The following SEMA5A variants were observed in gnomAD, a reference collection of about 807,000 sequenced individuals.
SEMA5A encodes the protein semaphorin-5A.
A neutral mutation model predicts 135.5 loss-of-function variants in SEMA5A; 55 were observed. The observed-to-expected ratio is 0.41, with a 90% CI of 0.33 to 0.51. The LOEUF (loss-of-function observed/expected upper bound fraction) is 0.51, where lower values mean the gene tolerates loss of function less well. Among genes scored for constraint, SEMA5A ranks in the 20% least tolerant of loss-of-function variants. The pLI, the probability that SEMA5A is intolerant of heterozygous loss-of-function variation, is 0.37. For synonymous variants in SEMA5A, 580 were observed against 546.5 expected, an observed-to-expected ratio of 1.06 and a Z score of -0.85; for missense variants, 1,290 against 1,419.9, an observed-to-expected ratio of 0.91 and a Z score of 1.47.
At chr5:9,485,327 A>T (rs762367522) in intron 1 of SEMA5A, among the ~76,000 whole-genome samples, 21 of 152,134 alleles carry the variant, frequency 1.4e-4, no homozygotes, top group Non-Finnish European at 2.6e-4. Flanking sequence ...AGAAGGTGTC[A>T]TGTGGGTCAG....
chr5:9,389,195 GTATT>G (rs1471460655), intron 2 of SEMA5A, among the ~76,000 whole-genome samples: 1 of 152,054 alleles, frequency 6.6e-6, no homozygotes, highest in Non-Finnish European at 1.5e-5. Flanking sequence ...CAATCTCTCT[GTATT>G]TATTTCACAT....
At chr5:9,069,690 T>TA (rs1737669207) in intron 16 of SEMA5A, among the ~76,000 whole-genome samples, 2 of 152,194 alleles carry the variant, frequency 1.3e-5, no homozygotes, top group Admixed American at 1.3e-4. Context: ...TTTGATTTAA[T>TA]ACTCTCTAGG....
chr5:9,316,286 T>C (rs1752385743), intron 5 of SEMA5A, among the ~76,000 whole-genome samples: 2 of 152,210 alleles, frequency 1.3e-5, no homozygotes, highest in Non-Finnish European at 1.5e-5. Context: ...ATCTGAGTTC[T>C]CCTTGCCCAA....
intron 1 of SEMA5A, among the ~76,000 whole-genome samples, chr5:9,543,862 G>T (rs1330830708): frequency 1.3e-5 from 2 of 149,076 alleles, no homozygotes; most frequent in Non-Finnish European, 3.0e-5. Flanking sequence ...CATAGAAAAA[G>T]AAATCTTTTG....
intron 5 of SEMA5A, among the ~76,000 whole-genome samples, chr5:9,277,536 T>C (rs188193745): frequency 6.6e-6 from 1 of 152,146 alleles, no homozygotes; most frequent in South Asian, 2.1e-4. Flanking sequence ...TGTGGCACTG[T>C]TCACAATAGC....
Position 9,157,013 on chromosome 5 carries a change from T to C in SEMA5A, c.1274-2318A>G, listed in dbSNP as rs528817094. 3.3e-5 allele frequency among the ~76,000 whole-genome samples: 5 copies of C among 152,358 alleles called. No individual in the cohort carries two copies. The South Asian group carries it at 1.0e-3, about 32-fold the overall frequency. On this transcript the variant is annotated intron_variant, in intron 11 of 22. Transcript: ENST00000382496. ...ATCTGATTTTCCAACTAGTGGGAAC[T>C]AACAAAACTACAGGGCTTAGCATTT...
In SEMA5A at chr5:9,164,950, C is replaced by T. The variant is rs115439338; in HGVS notation, c.1274-10255G>A. Among the ~76,000 whole-genome samples the T allele has an allele frequency of 6.8e-3, 1,036 of 152,288 alleles. 10 individuals are homozygous for T. The highest frequency in any genetic ancestry group is 0.031 in the Middle Eastern group (9 of 294). On this transcript the variant is annotated intron_variant, in intron 11 of 22. Transcript: ENST00000382496. Reference sequence around the variant, plus strand: ...GTGAATCCAATATAATATTTACCATCACAACGAGTAAAAACAGTGCACAAT... The same window carrying T: ...GTGAATCCAATATAATATTTACCATTACAACGAGTAAAAACAGTGCACAAT...
chr5:9,469,881 G>C (rs34101225), intron 1 of SEMA5A, among the ~76,000 whole-genome samples: 42,814 of 152,126 alleles, frequency 0.28, 6,493 homozygotes, highest in East Asian at 0.52. Flanking sequence ...TGTTTAAGAG[G>C]GCAAGCTCTG....
At chr5:9,352,826 T>G (rs73742654) in intron 3 of SEMA5A, among the ~76,000 whole-genome samples, 8,836 of 152,154 alleles carry the variant, frequency 0.058, 575 homozygotes, top group African/African-American at 0.15. Context: ...TGTTTACATA[T>G]GTTCTATGGC....
intron 3 of SEMA5A, among the ~76,000 whole-genome samples, chr5:9,344,093 C>T (rs1024753651): frequency 6.6e-5 from 10 of 152,164 alleles, no homozygotes; most frequent in Admixed American, 6.5e-4. Context: ...ATCAGAATAA[C>T]CAACATTTCT....
In SEMA5A at chr5:9,052,062, A is replaced by G. The variant is rs769747877; in HGVS notation, c.2690-34T>C. The G allele has an allele frequency of 2.0e-6, 3 of 1,531,224 alleles. No individual in the cohort carries two copies. The South Asian group carries it at 3.8e-5, about 20-fold the overall frequency. The allele number at this position is 1,531,224 out of a possible 1,614,324, so 94.9% of individuals were successfully genotyped here. On this transcript the variant is annotated intron_variant, in intron 19 of 22. Coordinates refer to ENST00000382496, the MANE Select transcript of SEMA5A (RefSeq NM_003966.3). ...ACCAGAAAAGGGGAGATGGGGCGGA[A>G]TGGCCAGTAAGCTCAATCATCCTAG...
rs1003565077 is a variant in SEMA5A, at chr5:9,108,078, T to G, written c.2073+62A>C. 28 of 1,563,516 alleles carry G rather than the reference T, an allele frequency of 1.8e-5. No homozygotes were observed. The African/African-American group carries it at 3.4e-4, about 19-fold the overall frequency. ...TCTAGTGTGTGCAGAGAATTTTGTG[T>G]GTATTGAGTCTGTATTCCTGGTTCT... On this transcript the variant is annotated intron_variant, in intron 16 of 22. Transcript: ENST00000382496.
chr5:9,067,270 G>C (rs1737529097), intron 16 of SEMA5A, among the ~76,000 whole-genome samples: 1 of 152,158 alleles, frequency 6.6e-6, no homozygotes, highest in Non-Finnish European at 1.5e-5. Context: ...CAGGTAGGAG[G>C]ATCCTGGGTA....
rs139372256 is a variant in SEMA5A, at chr5:9,158,050, A to G, written c.1274-3355T>C. On this transcript the variant is annotated intron_variant, in intron 11 of 22. Coordinates refer to ENST00000382496, the MANE Select transcript of SEMA5A (RefSeq NM_003966.3). The stretch of plus-strand genomic sequence containing the variant: ...CAGTTGTGTCATATGATGTATGTGT[A>G]GTGGCTGCTATTAGGGCCAGTAGAG... Among the ~76,000 whole-genome samples the G allele has an allele frequency of 1.5e-3, 221 of 152,354 alleles. 1 individual carries two copies. Among genetic ancestry groups the G allele is most frequent in the Non-Finnish European group, 2.1e-3 (141 of 68,044 alleles).
intron 8 of SEMA5A, among the ~76,000 whole-genome samples, chr5:9,221,448 G>T (rs13177242): frequency 6.1e-5 from 9 of 147,696 alleles, no homozygotes; most frequent in Non-Finnish European, 1.2e-4. Context: ...GACTACAGGC[G>T]CCCACCACCA....
intron 21 of SEMA5A, among the ~76,000 whole-genome samples, chr5:9,049,400 C>T (rs528854765): frequency 3.3e-5 from 5 of 152,142 alleles, no homozygotes; most frequent in East Asian, 1.9e-4. Flanking sequence ...CCTGACCTCA[C>T]GTGATCTGCC....
chr5:9,397,504 G>A (rs1756458452), intron 2 of SEMA5A, among the ~76,000 whole-genome samples: 1 of 152,168 alleles, frequency 6.6e-6, no homozygotes. Flanking sequence ...ACTCAATAAT[G>A]GTTAGACATG....
intron 16 of SEMA5A, among the ~76,000 whole-genome samples, chr5:9,071,974 C>T (rs962317934): frequency 2.0e-5 from 3 of 152,126 alleles, no homozygotes; most frequent in East Asian, 3.8e-4. Flanking sequence ...GCAAACAGAA[C>T]AAAGATTGAC....
intron 12 of SEMA5A, among the ~76,000 whole-genome samples, chr5:9,153,343 C>T (rs149103271): frequency 2.0e-3 from 310 of 152,292 alleles, no homozygotes; most frequent in African/African-American, 7.0e-3. Flanking sequence ...TACAATCTCC[C>T]GGAGTAAAGT....
Sources: allele counts gnomAD v4.1 joint callset (sites outside exome capture counted in the v4.1 genomes callset), GRCh38; gene constraint gnomAD v4.1.1; transcripts MANE v1.5; gene names NCBI Gene and HGNC (gene_info 2026-07-23, HGNC 2026-07-21).